The following VAT1L variants were observed in gnomAD, a reference collection of about 807,000 sequenced individuals.
VAT1L encodes putative NADPH-dependent quinone oxidoreductase VAT1L.
Under a neutral mutation model 44.1 loss-of-function variants are expected in VAT1L, and 34 were observed. The ratio of observed to expected loss-of-function variants is 0.77; its 90% CI spans 0.59 to 1.03. The LOEUF (loss-of-function observed/expected upper bound fraction) is 1.03, where lower values mean the gene tolerates loss of function less well. Ranked by LOEUF, VAT1L falls within the 50% of genes least tolerant of loss-of-function variation. The pLI is 0.00. For synonymous variants in VAT1L, 253 were observed against 202.2 expected (o/e 1.25, Z -2.13); for missense variants, 615 against 538.8 (o/e 1.14, Z -1.40).
In VAT1L at chr16:77,958,755, C is replaced by T. The variant is rs146355706; in HGVS notation, c.1078-13095C>T. Among the ~76,000 whole-genome samples, 11 of 152,318 alleles carry T rather than the reference C, an allele frequency of 7.2e-5. No homozygotes were observed. In the East Asian group the frequency reaches 1.9e-3, roughly 27 times the overall value. On this transcript the variant is annotated intron_variant, in intron 7 of 8. Transcript: ENST00000302536. Reference sequence around the variant, plus strand: ...CAGGAGAACAACTACCATCCAAGGACGCAGGACAAAAGGAACAGTTGCTCC... The same window carrying T: ...CAGGAGAACAACTACCATCCAAGGATGCAGGACAAAAGGAACAGTTGCTCC...
At chr16:77,794,190 C>T (rs139970121) in intron 1 of VAT1L, among the ~76,000 whole-genome samples, 64 of 152,216 alleles carry the variant, frequency 4.2e-4, no homozygotes, top group East Asian at 3.9e-3. Flanking sequence ...GAGAGGCAGA[C>T]GGGCACACAG....
At position 77,884,590 on chromosome 16, in the gene VAT1L, T is replaced by C; in HGVS notation, c.883-18T>C. 1 of 1,609,828 alleles carries C rather than the reference T, an allele frequency of 6.2e-7. No individual in the cohort carries two copies. Among genetic ancestry groups the C allele is most frequent in the Non-Finnish European group, 8.5e-7 (1 of 1,178,338 alleles). The stretch of plus-strand genomic sequence containing the variant: ...CCGGTATTGAGTTCCTATAACCCAA[T>C]ACCACCTCTCTTTGCAGTGGTGGCA... On this transcript the variant is annotated intron_variant, in intron 6 of 8. Transcript: ENST00000302536. This position sits in a 1 kb window ranked among gnomAD's most constrained non-coding sequence, Gnocchi z 4.5.
chr16:77,962,101 G>A (rs759689569), intron 7 of VAT1L, among the ~76,000 whole-genome samples: 3 of 151,920 alleles, frequency 2.0e-5, no homozygotes, highest in Admixed American at 6.6e-5. Context: ...GTCATGCCAC[G>A]TAATCACTGT....
intron 3 of VAT1L, among the ~76,000 whole-genome samples, chr16:77,828,887 A>G (rs1311517979): frequency 1.3e-5 from 2 of 151,982 alleles, no homozygotes; most frequent in East Asian, 3.9e-4. Flanking sequence ...AGCGAAACCC[A>G]TTTTGCCCTT....
intron 7 of VAT1L, among the ~76,000 whole-genome samples, chr16:77,945,373 A>G (rs2017948745): frequency 7.0e-6 from 1 of 143,576 alleles, no homozygotes; most frequent in African/African-American, 2.5e-5. Flanking sequence ...CGCAGCCTCA[A>G]ACTCCTAGGC....
In VAT1L at chr16:77,880,673, T is replaced by C. The variant is rs1172955920; in HGVS notation, c.882+1449T>C. Among the ~76,000 whole-genome samples, 3 of 149,072 alleles carry C rather than the reference T, an allele frequency of 2.0e-5. No homozygotes were observed. In the Admixed American group the frequency reaches 2.0e-4, roughly 10 times the overall value. On this transcript the variant is annotated intron_variant, in intron 6 of 8. Transcript: ENST00000302536. ...GTGCAGGTTTTTTGCCCGGGTATTGTATGATGCTGAAGTTTGGGGTACAAA... is the reference window on the plus strand; with the variant it reads ...GTGCAGGTTTTTTGCCCGGGTATTGCATGATGCTGAAGTTTGGGGTACAAA...
chr16:77,909,827 T>C (rs949393308), intron 7 of VAT1L, among the ~76,000 whole-genome samples: 1 of 152,072 alleles, frequency 6.6e-6, no homozygotes, highest in African/African-American at 2.4e-5. Context: ...TGAACCGACA[T>C]CACTGGGGCT....
chr16:77,790,138 A>G (rs1292966114), intron 1 of VAT1L, among the ~76,000 whole-genome samples: 1 of 152,152 alleles, frequency 6.6e-6, no homozygotes, highest in Non-Finnish European at 1.5e-5. Flanking sequence ...CACCACCTTG[A>G]GAACAGACGC....
chr16:77,968,865 C>T (rs1009159822), intron 7 of VAT1L, among the ~76,000 whole-genome samples: 3 of 152,050 alleles, frequency 2.0e-5, no homozygotes, highest in Non-Finnish European at 2.9e-5. Flanking sequence ...GTTGCCCAGG[C>T]GGGAGCACAG....
chr16:77,867,527 G>C (rs1439303232), intron 4 of VAT1L, among the ~76,000 whole-genome samples: 3 of 151,992 alleles, frequency 2.0e-5, no homozygotes, highest in Admixed American at 2.0e-4. Context: ...TTACATCCCT[G>C]TAAACCCATT....
At chr16:77,901,204 C>A (rs1035582661) in intron 7 of VAT1L, among the ~76,000 whole-genome samples, 1 of 134,474 alleles carries the variant, frequency 7.4e-6, no homozygotes, top group Non-Finnish European at 1.5e-5. Context: ...TGCTCTGTCA[C>A]CCAGGCTGGA....
chr16:77,821,142 T>A (rs79605403), intron 2 of VAT1L, among the ~76,000 whole-genome samples: 2,344 of 152,288 alleles, frequency 0.015, 69 homozygotes, highest in African/African-American at 0.054. Context: ...GGTCATGCAT[T>A]GAGAATCCAT....
At chr16:77,835,339 A>G (rs2016628093) in intron 3 of VAT1L, among the ~76,000 whole-genome samples, 1 of 152,170 alleles carries the variant, frequency 6.6e-6, no homozygotes, top group Non-Finnish European at 1.5e-5. Flanking sequence ...CAGTCTGAAT[A>G]GTCTTTCCAG....
intron 6 of VAT1L, chr16:77,882,108 A>T (rs1485152393): frequency 1.3e-5 from 2 of 152,230 alleles, no homozygotes; most frequent in Non-Finnish European, 2.9e-5. Flanking sequence ...GGCCTGCTCA[A>T]ACACTGAGGG....
intron 1 of VAT1L, among the ~76,000 whole-genome samples, chr16:77,803,168 T>C (rs1016098458): frequency 6.6e-6 from 1 of 152,118 alleles, no homozygotes; most frequent in Admixed American, 6.5e-5. Context: ...GATAATAGGG[T>C]AGAGATGCTA....
chr16:77,969,326 A>G (rs2018255349), intron 7 of VAT1L, among the ~76,000 whole-genome samples: 1 of 151,970 alleles, frequency 6.6e-6, no homozygotes, highest in African/African-American at 2.4e-5. Flanking sequence ...GCCCTCACTC[A>G]GGACAGAGTT....
At position 77,979,649 on chromosome 16, in the gene VAT1L, G is replaced by C. The variant is rs925289787; in HGVS notation, c.*1954G>C. ...ATTCACATCGCCTTTGTTATGTCCA[G>C]AGGAGAGGCATAAAAAGGCACTCTC... is the stretch of plus-strand genomic sequence containing the variant. On this transcript the variant is annotated 3_prime_UTR_variant, in exon 9 of 9. Coordinates refer to ENST00000302536, the MANE Select transcript of VAT1L (RefSeq NM_020927.3). 3 of 152,164 alleles carry C rather than the reference G, an allele frequency of 2.0e-5. No homozygotes were observed. The highest frequency in any genetic ancestry group is 7.2e-5 in the African/African-American group (3 of 41,442). 9.4% of individuals were successfully genotyped at this position (152,164 alleles called of 1,614,324 possible).
At chr16:77,911,960 A>C (rs950153337) in intron 7 of VAT1L, among the ~76,000 whole-genome samples, 1 of 152,198 alleles carries the variant, frequency 6.6e-6, no homozygotes, top group Non-Finnish European at 1.5e-5. Flanking sequence ...TGTCCACTGA[A>C]TATTTAGACA....
intron 1 of VAT1L, among the ~76,000 whole-genome samples, chr16:77,803,257 A>C (rs2016097132): frequency 6.6e-6 from 1 of 152,140 alleles, no homozygotes; most frequent in Admixed American, 6.5e-5. Flanking sequence ...CACTAGTTAC[A>C]TTTCAAGTGT....
Sources: allele counts gnomAD v4.1 joint callset (sites outside exome capture counted in the v4.1 genomes callset), GRCh38; gene constraint gnomAD v4.1.1; non-coding constraint Gnocchi (gnomAD v3.1); transcripts MANE v1.5; gene names NCBI Gene and HGNC (gene_info 2026-07-23, HGNC 2026-07-21).